The following GSN variants were observed in gnomAD, a reference collection of about 807,000 sequenced individuals.
GSN encodes the protein gelsolin.
In GSN, 56 loss-of-function variants were observed where a neutral mutation model predicts 85.7. The observed-to-expected ratio is 0.65, with a 90% CI of 0.53 to 0.82. The LOEUF (loss-of-function observed/expected upper bound fraction) is 0.82, where lower values mean the gene tolerates loss of function less well. Ranked by LOEUF, GSN falls within the 40% of genes least tolerant of loss-of-function variation. The pLI, the probability that GSN is intolerant of heterozygous loss-of-function variation, is 0.00. For synonymous variants in GSN, 373 were observed against 399.1 expected, an observed-to-expected ratio of 0.93 and a Z score of 0.78; for missense variants, 857 against 979.8, an observed-to-expected ratio of 0.87 and a Z score of 1.67.
Position 121,324,738 on chromosome 9 carries a change from CATCT to C in GSN, c.1416+95_1416+98del, listed in dbSNP as rs537742910. ...ACTCTCATCCATCCATTCGTTTGTC[CATCT>C]GTCTGTCTGTCCATCCATCCATCCA... is the stretch of plus-strand genomic sequence containing the variant. On this transcript the variant is annotated intron_variant, in intron 12 of 17. Transcript: ENST00000432226. 230 of 711,324 alleles carry C rather than the reference CATCT, an allele frequency of 3.2e-4. No homozygotes were observed. In the African/African-American group the frequency reaches 3.5e-3, roughly 11 times the overall value. 44.1% of individuals were successfully genotyped at this position (711,324 alleles called of 1,614,324 possible).
intron 4 of GSN, among the ~76,000 whole-genome samples, chr9:121,221,083 G>A (rs1298063188): frequency 6.6e-6 from 1 of 152,172 alleles, no homozygotes; most frequent in Non-Finnish European, 1.5e-5. Context: ...CTTCAGCGCC[G>A]AGGGGCCGCC....
rs2056738048 is a variant in GSN, at chr9:121,276,810, G to A, written c.-102-4660G>A. On this transcript the variant is annotated intron_variant, in intron 1 of 17. Coordinates refer to ENST00000432226, the MANE Select transcript of GSN (RefSeq NM_198252.3). ...CCTGTAGTGGGGTGGGAGGAGGGGG[G>A]AGGGATAGTATTAGGAGATATACCT... Among the ~76,000 whole-genome samples, 6 of 151,856 alleles carry A rather than the reference G, an allele frequency of 4.0e-5. No homozygotes were observed. In the South Asian group the frequency reaches 1.2e-3, roughly 31 times the overall value.
At chr9:121,321,827 T>G (rs1205514479) in intron 11 of GSN, among the ~76,000 whole-genome samples, 1 of 152,152 alleles carries the variant, frequency 6.6e-6, no homozygotes, top group African/African-American at 2.4e-5. Context: ...CTGCAACCTC[T>G]GCCTCCCAAG....
chr9:121,324,743 G>T, intron 12 of GSN, 99 bp downstream of exon 12: 1 of 700,992 alleles, frequency 1.4e-6, no homozygotes. Context: ...TTGTCCATCT[G>T]TCTGTCTGTC....
chr9:121,282,867 C>A (rs369131519), intron 2 of GSN: 8 of 249,356 alleles, frequency 3.2e-5, no homozygotes, highest in Admixed American at 2.3e-4. Context: ...CTTCCGCAGA[C>A]CCTGCAGGGC....
At chr9:121,208,882 T>G (rs938417486) in intron 1 of GSN, among the ~76,000 whole-genome samples, 1 of 152,248 alleles carries the variant, frequency 6.6e-6, no homozygotes, top group Non-Finnish European at 1.5e-5. Flanking sequence ...GGGAGGCTGA[T>G]GTTAAACCCT....
At chr9:121,235,186 C>G (rs192153014) in intron 5 of GSN, among the ~76,000 whole-genome samples, 1 of 152,216 alleles carries the variant, frequency 6.6e-6, no homozygotes, top group East Asian at 1.9e-4. Flanking sequence ...GCACCCATGG[C>G]CCCAGTGAAC....
chr9:121,293,153 G>C (rs1033846538), intron 2 of GSN, among the ~76,000 whole-genome samples: 1 of 152,182 alleles, frequency 6.6e-6, no homozygotes, highest in Non-Finnish European at 1.5e-5. Context: ...GTTGGCCTGG[G>C]GAAGCTTCCA....
chr9:121,254,339 C>G (rs2054903404), intron 6 of GSN, among the ~76,000 whole-genome samples: 1 of 152,218 alleles, frequency 6.6e-6, no homozygotes. Flanking sequence ...ATCACCTGCT[C>G]TAAATGCCTT....
intron 2 of GSN, among the ~76,000 whole-genome samples, chr9:121,290,101 G>A (rs1308762750): frequency 6.6e-6 from 1 of 152,122 alleles, no homozygotes; most frequent in Non-Finnish European, 1.5e-5. Flanking sequence ...GTACTGTCTT[G>A]GTGGGATGAC....
At chr9:121,217,159 C>T (rs183537666) in intron 4 of GSN, among the ~76,000 whole-genome samples, 183 of 152,162 alleles carry the variant, frequency 1.2e-3, no homozygotes, top group African/African-American at 4.0e-3. Flanking sequence ...GGGTGGATCA[C>T]GAGACCAGCC....
At chr9:121,255,076 G>T (rs1018826247) in intron 6 of GSN, among the ~76,000 whole-genome samples, 17 of 152,066 alleles carry the variant, frequency 1.1e-4, no homozygotes, top group Non-Finnish European at 5.9e-5. Flanking sequence ...AGCCTCCCGA[G>T]TAGCTGGGAC....
At chr9:121,263,194 T>C (rs537048385), upstream of GSN, among the ~76,000 whole-genome samples, 15 of 152,288 alleles carry the variant, frequency 9.8e-5, no homozygotes, top group African/African-American at 3.4e-4. Context: ...ATCTCCATGG[T>C]GTAAATATTC....
Position 121,324,730 on chromosome 9 carries a change from C to T in GSN, c.1416+86C>T, listed in dbSNP as rs1271551730. 4.8e-5 allele frequency: 35 copies of T among 723,858 alleles called. 1 individual carries two copies. Among genetic ancestry groups the T allele is most frequent in the East Asian group, 5.4e-5 (2 of 37,118 alleles). The allele number at this position is 723,858 out of a possible 1,614,324, so 44.8% of individuals were successfully genotyped here. On this transcript the variant is annotated intron_variant, in intron 12 of 17. Transcript: ENST00000432226. ...TCTGTCTGACTCTCATCCATCCATTCGTTTGTCCATCTGTCTGTCTGTCCA... is the reference window on the plus strand; with the variant it reads ...TCTGTCTGACTCTCATCCATCCATTTGTTTGTCCATCTGTCTGTCTGTCCA...
At chr9:121,214,278 T>G (rs1405037362) in intron 4 of GSN, among the ~76,000 whole-genome samples, 1 of 151,794 alleles carries the variant, frequency 6.6e-6, no homozygotes, top group African/African-American at 2.4e-5. Flanking sequence ...TCTCTTTCTC[T>G]CCTCCTCCTT....
intron 6 of GSN, 83 bp downstream of exon 6, chr9:121,312,571 A>T: frequency 2.9e-6 from 3 of 1,026,892 alleles, no homozygotes; most frequent in Admixed American, 3.0e-5. Context: ...TTTGAGGTGA[A>T]TTTGAGGAAA....
At chr9:121,214,429 G>A (rs1320121774) in intron 4 of GSN, among the ~76,000 whole-genome samples, 1 of 152,236 alleles carries the variant, frequency 6.6e-6, no homozygotes, top group Admixed American at 6.5e-5. Context: ...TCTATAAAGT[G>A]GAGAATTTTC....
intron 11 of GSN, 115 bp downstream of exon 11, chr9:121,321,516 G>T: frequency 3.1e-6 from 3 of 978,280 alleles, no homozygotes; most frequent in Non-Finnish European, 4.7e-6. Flanking sequence ...TCCCTGCTGG[G>T]AGAGGCTTTT....
At chr9:121,215,649 G>A (rs972098445) in intron 4 of GSN, among the ~76,000 whole-genome samples, 1 of 151,124 alleles carries the variant, frequency 6.6e-6, no homozygotes, top group East Asian at 1.9e-4. Flanking sequence ...AGCCAAGATC[G>A]CGCCACTGCA....
Sources: gnomAD v4.1 joint callset for allele counts (sites outside exome capture counted in the v4.1 genomes callset) on GRCh38, gnomAD v4.1.1 for gene constraint, MANE v1.5 for transcripts, NCBI Gene and HGNC (gene_info 2026-07-23, HGNC 2026-07-21) for gene names.